The following CTNNA2 variants were observed in gnomAD, a reference collection of about 807,000 sequenced individuals.
The protein encoded by CTNNA2 is catenin alpha-2.
A neutral mutation model predicts 101.0 loss-of-function variants in CTNNA2; 42 were observed. The ratio of observed to expected loss-of-function variants is 0.42; its 90% CI spans 0.32 to 0.54. The LOEUF is 0.54. Among genes scored for constraint, CTNNA2 ranks in the 20% least tolerant of loss-of-function variants. The probability of loss-of-function intolerance (pLI) is 0.14; values close to 1 mark genes in which losing one functional copy is unlikely to be tolerated. For missense variants in CTNNA2, 871 were observed against 1,223.1 expected (o/e 0.71, Z 4.29); for synonymous variants, 450 against 456.4 (o/e 0.99, Z 0.18).
chr2:80,517,919 C>A (rs1689227475), intron 9 of CTNNA2, among the ~76,000 whole-genome samples: 1 of 152,132 alleles, frequency 6.6e-6, no homozygotes, highest in Non-Finnish European at 1.5e-5. Context: ...CAGTATGGAT[C>A]ACACTAACCA....
intron 7 of CTNNA2, chr2:80,328,496 C>T (rs1162882763): frequency 4.7e-6 from 2 of 422,768 alleles, no homozygotes; most frequent in Admixed American, 2.5e-5. Context: ...AGCAGGTAGT[C>T]CAGAGAGTCA....
intron 7 of CTNNA2, among the ~76,000 whole-genome samples, chr2:80,007,371 ATATCTACATATT>A (rs1256993750): frequency 6.6e-6 from 1 of 152,194 alleles, no homozygotes. Flanking sequence ...GATATTATAA[ATATCTACATATT>A]TATCCATGAG....
intron 2 of CTNNA2, among the ~76,000 whole-genome samples, chr2:79,257,231 C>A (rs1314884033): frequency 6.6e-6 from 1 of 152,088 alleles, no homozygotes; most frequent in African/African-American, 2.4e-5. Context: ...AAGTTTCTGG[C>A]TTCTAAGCAA....
chr2:79,401,026 G>C (rs919861339), intron 4 of CTNNA2, among the ~76,000 whole-genome samples: 8 of 151,746 alleles, frequency 5.3e-5, no homozygotes, highest in Non-Finnish European at 1.0e-4. Flanking sequence ...AAAAATAATA[G>C]AGAAATTAAG....
chr2:79,249,228 T>C (rs1410807747), intron 2 of CTNNA2, among the ~76,000 whole-genome samples: 8 of 152,190 alleles, frequency 5.3e-5, no homozygotes, highest in African/African-American at 1.9e-4. Flanking sequence ...AAATGTTAGC[T>C]ATCATCATAT....
chr2:79,819,285 A>G (rs967917080), intron 3 of CTNNA2, among the ~76,000 whole-genome samples: 4 of 151,820 alleles, frequency 2.6e-5, no homozygotes, highest in Non-Finnish European at 2.9e-5. Flanking sequence ...AGCCTTCTCC[A>G]TTTTCAGAAC....
At chr2:79,883,459 A>T (rs1341376822) in intron 6 of CTNNA2, among the ~76,000 whole-genome samples, 4 of 152,206 alleles carry the variant, frequency 2.6e-5, no homozygotes, top group Non-Finnish European at 5.9e-5. Context: ...GTTTCCAATG[A>T]TATAACAGTA....
intron 9 of CTNNA2, among the ~76,000 whole-genome samples, chr2:80,490,280 A>AC (rs138977108): frequency 0.22 from 12,388 of 55,360 alleles, 819 homozygotes; most frequent in South Asian, 0.4. Flanking sequence ...TTCCCCCCCC[A>AC]CCCCCCCCCC....
chr2:80,357,240 G>GTT (rs397742455), intron 7 of CTNNA2, among the ~76,000 whole-genome samples: 44 of 137,020 alleles, frequency 3.2e-4, no homozygotes, highest in Admixed American at 1.3e-3. Flanking sequence ...TTTTTTTTTT[G>GTT]TTTTTTTTTT....
intron 7 of CTNNA2, among the ~76,000 whole-genome samples, chr2:80,201,367 C>CTT (rs60448795): frequency 0.014 from 1,114 of 80,700 alleles, 17 homozygotes; most frequent in African/African-American, 0.02. Context: ...CTTTTTCTTT[C>CTT]TTTTTTTTTT....
At chr2:79,205,895 G>T (rs1027113714) in intron 2 of CTNNA2, among the ~76,000 whole-genome samples, 1 of 152,160 alleles carries the variant, frequency 6.6e-6, no homozygotes, top group Non-Finnish European at 1.5e-5. Flanking sequence ...TAATTTGTCT[G>T]AGATCTCTCA....
intron 9 of CTNNA2, among the ~76,000 whole-genome samples, chr2:80,435,725 G>A (rs1247700927): frequency 6.6e-6 from 1 of 152,190 alleles, no homozygotes; most frequent in Non-Finnish European, 1.5e-5. Context: ...TGCAACCACA[G>A]AGCGGACATA....
intron 9 of CTNNA2, among the ~76,000 whole-genome samples, chr2:80,430,915 T>C (rs575204104): frequency 6.6e-6 from 1 of 152,258 alleles, no homozygotes; most frequent in African/African-American, 2.4e-5. Context: ...TGTGTATATA[T>C]TATGCAGCTA....
In CTNNA2 at chr2:80,545,078, A is replaced by C; in HGVS notation, c.1383+4A>C. 6.2e-7 allele frequency: 1 copy of C among 1,613,464 alleles called. No homozygotes were observed. Among genetic ancestry groups the C allele is most frequent in the Non-Finnish European group, 8.5e-7 (1 of 1,179,716 alleles). On this transcript the variant is annotated splice_donor_region_variant and intron_variant, in intron 10 of 18. Transcript: ENST00000402739. Reference sequence around the variant, plus strand: ...GATTGACAGCCTGTGTCCCCAGGTAAGCCTCATTCACTTTGTTTCAAAAGC... The same window carrying C: ...GATTGACAGCCTGTGTCCCCAGGTACGCCTCATTCACTTTGTTTCAAAAGC...
At chr2:80,338,296 C>CTTTTCTTTT (rs1671927762) in intron 7 of CTNNA2, among the ~76,000 whole-genome samples, 1 of 125,630 alleles carries the variant, frequency 8.0e-6, no homozygotes, top group Admixed American at 7.8e-5. Context: ...GCCTTTTTTT[C>CTTTTCTTTT]TTTTTCTTTT....
chr2:80,380,431 G>A (rs1676414730), intron 7 of CTNNA2, among the ~76,000 whole-genome samples: 1 of 152,174 alleles, frequency 6.6e-6, no homozygotes, highest in Admixed American at 6.5e-5. Context: ...CAAGGGCTCT[G>A]AGGAGGCCTT....
intron 7 of CTNNA2, among the ~76,000 whole-genome samples, chr2:80,084,039 C>T (rs1341581908): frequency 6.6e-6 from 1 of 151,972 alleles, no homozygotes; most frequent in Non-Finnish European, 1.5e-5. Flanking sequence ...TCTGCACCAA[C>T]CCAATCTCCT....
At chr2:79,990,449 G>T (rs895301922) in intron 7 of CTNNA2, among the ~76,000 whole-genome samples, 15 of 152,124 alleles carry the variant, frequency 9.9e-5, no homozygotes, top group African/African-American at 3.6e-4. Context: ...CTGATACACG[G>T]TGGCTAAGAA....
chr2:79,841,938 C>A (rs2103847774), intron 3 of CTNNA2, among the ~76,000 whole-genome samples: 1 of 152,226 alleles, frequency 6.6e-6, no homozygotes, highest in East Asian at 1.9e-4. Flanking sequence ...TAAATCAGGA[C>A]AAGCATAAAT....
Sources: gnomAD v4.1 joint callset for allele counts (sites outside exome capture counted in the v4.1 genomes callset) on GRCh38, gnomAD v4.1.1 for gene constraint, MANE v1.5 for transcripts, NCBI Gene and HGNC (gene_info 2026-07-23, HGNC 2026-07-21) for gene names.